Variants in CYP7B1 observed in about 807,000 individuals in gnomAD.
The protein encoded by CYP7B1 is cytochrome P450 7B1.
CYP7B1 carries 29 observed loss-of-function variants against 42.7 expected under a neutral mutation model. The observed-to-expected ratio is 0.68, with a 90% confidence interval of 0.51 to 0.93. CYP7B1 has a LOEUF of 0.93. Ranked by LOEUF, CYP7B1 falls within the 40% of genes least tolerant of loss-of-function variation. CYP7B1 has a pLI of 0.00. For synonymous variants in CYP7B1, 235 were observed against 218.2 expected (o/e 1.08, Z -0.68); for missense variants, 655 against 600.5 (o/e 1.09, Z -0.95).
intron 1 of CYP7B1, among the ~76,000 whole-genome samples, chr8:64,784,584 G>A (rs934483058): frequency 2.6e-5 from 4 of 151,994 alleles, no homozygotes; most frequent in Non-Finnish European, 1.5e-5. Flanking sequence ...AATGTATCAT[G>A]GTTCAAAAAA....
chr8:64,664,273 C>T (rs1806242874), intron 1 of CYP7B1, among the ~76,000 whole-genome samples: 1 of 152,118 alleles, frequency 6.6e-6, no homozygotes, highest in South Asian at 2.1e-4. Context: ...AACAGGAGCT[C>T]AGCATTTTTC....
chr8:64,763,248 T>C (rs1807917560), intron 1 of CYP7B1, among the ~76,000 whole-genome samples: 1 of 152,212 alleles, frequency 6.6e-6, no homozygotes, highest in South Asian at 2.1e-4. Context: ...TTCGTCCTAA[T>C]CGAGCTGAAC....
intron 1 of CYP7B1, among the ~76,000 whole-genome samples, chr8:64,657,945 G>T (rs1806145774): frequency 6.6e-6 from 1 of 152,192 alleles, no homozygotes; most frequent in South Asian, 2.1e-4. Flanking sequence ...AGGCTGGGAA[G>T]TTCAAGATCA....
intron 1 of CYP7B1, among the ~76,000 whole-genome samples, chr8:64,644,567 T>C (rs909178387): frequency 7.2e-5 from 11 of 152,206 alleles, no homozygotes; most frequent in African/African-American, 1.2e-4. Context: ...TCTCCTTGTA[T>C]GTCTCCATCA....
intron 1 of CYP7B1, among the ~76,000 whole-genome samples, chr8:64,776,910 G>A (rs1366025621): frequency 6.6e-6 from 1 of 152,024 alleles, no homozygotes; most frequent in African/African-American, 2.4e-5. Context: ...TACCTCCTTG[G>A]TTCAATCATA....
At chr8:64,650,095 G>A (rs949049381) in intron 1 of CYP7B1, among the ~76,000 whole-genome samples, 1 of 152,006 alleles carries the variant, frequency 6.6e-6, no homozygotes, top group African/African-American at 2.4e-5. Context: ...TGTTGCCTGT[G>A]CCTGTGCATA....
intron 1 of CYP7B1, among the ~76,000 whole-genome samples, chr8:64,727,662 A>G (rs181742007): frequency 6.6e-6 from 1 of 152,332 alleles, no homozygotes; most frequent in East Asian, 1.9e-4. Flanking sequence ...GCTAATACAC[A>G]TGCCCACAGA....
intron 1 of CYP7B1, among the ~76,000 whole-genome samples, chr8:64,733,486 T>G (rs1351829220): frequency 6.6e-6 from 1 of 152,180 alleles, no homozygotes; most frequent in Non-Finnish European, 1.5e-5. Context: ...CCAGCAGTAG[T>G]GAGCAGTATT....
intron 1 of CYP7B1, among the ~76,000 whole-genome samples, chr8:64,684,534 ATAATT>A (rs1174008331): frequency 1.3e-5 from 2 of 152,260 alleles, no homozygotes; most frequent in Admixed American, 6.5e-5. Context: ...ATGCTAAAGT[ATAATT>A]TATTTATATA....
At chr8:64,598,093 A>G (rs1016271234) in intron 5 of CYP7B1, among the ~76,000 whole-genome samples, 4 of 152,324 alleles carry the variant, frequency 2.6e-5, no homozygotes, top group Admixed American at 1.3e-4. Context: ...ACTTATTTTG[A>G]TAAGTATTTG....
At chr8:64,602,866 A>T (rs1805222834) in intron 5 of CYP7B1, among the ~76,000 whole-genome samples, 1 of 152,212 alleles carries the variant, frequency 6.6e-6, no homozygotes, top group South Asian at 2.1e-4. Context: ...AGTGGTAGTC[A>T]CTCAGAAAAT....
intron 2 of CYP7B1, among the ~76,000 whole-genome samples, chr8:64,618,966 T>C (rs1156258354): frequency 1.3e-5 from 2 of 152,182 alleles, no homozygotes; most frequent in Non-Finnish European, 2.9e-5. Flanking sequence ...TTTATTGAGA[T>C]GTGAATTGGT....
At chr8:64,776,143 G>A (rs1804323811) in intron 1 of CYP7B1, among the ~76,000 whole-genome samples, 1 of 152,142 alleles carries the variant, frequency 6.6e-6, no homozygotes, top group Admixed American at 6.5e-5. Flanking sequence ...AGTTCGAAGA[G>A]GAAAGTGCTT....
At chr8:64,791,689 A>AT (rs1231455665) in intron 1 of CYP7B1, among the ~76,000 whole-genome samples, 18 of 152,212 alleles carry the variant, frequency 1.2e-4, no homozygotes, top group African/African-American at 4.1e-4. Flanking sequence ...AAGAGAAGAA[A>AT]TTCTCTGTTG....
intron 1 of CYP7B1, among the ~76,000 whole-genome samples, chr8:64,766,182 C>T (rs1298742053): frequency 2.0e-5 from 3 of 152,174 alleles, no homozygotes; most frequent in Non-Finnish European, 4.4e-5. Flanking sequence ...CATTTGCTAA[C>T]TTGCGTGCTA....
intron 1 of CYP7B1, among the ~76,000 whole-genome samples, chr8:64,631,078 C>T (rs1805688495): frequency 6.6e-6 from 1 of 152,158 alleles, no homozygotes; most frequent in African/African-American, 2.4e-5. Context: ...CTAACTCATT[C>T]CATGAGGCCA....
intron 1 of CYP7B1, among the ~76,000 whole-genome samples, chr8:64,708,290 C>T (rs1807029090): frequency 6.6e-6 from 1 of 152,088 alleles, no homozygotes; most frequent in Non-Finnish European, 1.5e-5. Flanking sequence ...CAATGACATC[C>T]CCTTCTGCTC....
At chr8:64,722,858 A>G (rs1189151341) in intron 1 of CYP7B1, among the ~76,000 whole-genome samples, 9 of 151,910 alleles carry the variant, frequency 5.9e-5, no homozygotes, top group African/African-American at 2.2e-4. Context: ...AATGACTGGA[A>G]GCCTGATCAA....
intron 1 of CYP7B1, among the ~76,000 whole-genome samples, chr8:64,778,036 G>C (rs956025569): frequency 1.6e-4 from 24 of 151,580 alleles, no homozygotes; most frequent in Non-Finnish European, 2.4e-4. Flanking sequence ...AGTCATAAAT[G>C]CTTTGGTCAA....
Sources: gnomAD v4.1 joint callset for allele counts (sites outside exome capture counted in the v4.1 genomes callset) on GRCh38, gnomAD v4.1.1 for gene constraint, MANE v1.5 for transcripts, NCBI Gene and HGNC (gene_info 2026-07-23, HGNC 2026-07-21) for gene names.